Variants in MGAT4A observed in about 807,000 individuals in gnomAD.
MGAT4A encodes alpha-1,3-mannosyl-glycoprotein 4-beta-N-acetylglucosaminyltransferase A.
Under a neutral mutation model 74.1 loss-of-function variants are expected in MGAT4A, and 33 were observed. The ratio of observed to expected loss-of-function variants is 0.45; its 90% confidence interval spans 0.34 to 0.60. The LOEUF (loss-of-function observed/expected upper bound fraction) is 0.60, where lower values mean the gene tolerates loss of function less well. Ranked by LOEUF, MGAT4A falls within the 20% of genes least tolerant of loss-of-function variation. The pLI, the probability that MGAT4A is intolerant of heterozygous loss-of-function variation, is 0.02. For missense variants in MGAT4A, 479 were observed against 628.3 expected (o/e 0.76, Z 2.54); for synonymous variants, 198 against 210.4 (o/e 0.94, Z 0.51).
At position 98,674,357 on chromosome 2, in the gene MGAT4A, G is replaced by A; in HGVS notation, c.403+678C>T. Among the ~76,000 whole-genome samples the A allele has an allele frequency of 1.3e-5, 2 of 152,200 alleles. 1 individual carries two copies. Among genetic ancestry groups the A allele is most frequent in the Admixed American group, 1.3e-4 (2 of 15,270 alleles). On this transcript the variant is annotated intron_variant, in intron 4 of 15. Coordinates refer to ENST00000393487, the MANE Select transcript of MGAT4A (RefSeq NM_012214.3). ...AGAAAAGATTAACAAAGTCAAAACA[G>A]CGGAATCAAATGTATGAGTGGTAAA... is the stretch of plus-strand genomic sequence containing the variant.
intron 4 of MGAT4A, among the ~76,000 whole-genome samples, chr2:98,667,594 A>G (rs1490311828): frequency 2.0e-5 from 3 of 152,214 alleles, no homozygotes; most frequent in Non-Finnish European, 4.4e-5. Flanking sequence ...GATTTGTGGA[A>G]CTTTGAACTT....
At chr2:98,668,784 T>C (rs1210383170) in intron 4 of MGAT4A, among the ~76,000 whole-genome samples, 4 of 152,232 alleles carry the variant, frequency 2.6e-5, no homozygotes, top group Non-Finnish European at 4.4e-5. Context: ...CCCAAGACCA[T>C]GGGAACCCAC....
At chr2:98,663,565 T>A in intron 4 of MGAT4A, 2 of 945,378 alleles carry the variant, frequency 2.1e-6, no homozygotes, top group Non-Finnish European at 2.9e-6. Flanking sequence ...CAACATCAGT[T>A]CTGTGGTTGT....
intron 2 of MGAT4A, among the ~76,000 whole-genome samples, chr2:98,688,244 T>TA (rs757933204): frequency 1.3e-5 from 2 of 151,950 alleles, no homozygotes; most frequent in Non-Finnish European, 2.9e-5. Flanking sequence ...GGGCTTTTTT[T>TA]AAAACAAAAA....
At chr2:98,683,036 C>T (rs1426860386) in intron 2 of MGAT4A, among the ~76,000 whole-genome samples, 3 of 151,290 alleles carry the variant, frequency 2.0e-5, no homozygotes, top group Non-Finnish European at 4.4e-5. Flanking sequence ...TGCAGTGAGC[C>T]GAGATCGCGC....
At chr2:98,725,546 T>C (rs1702749415) in intron 2 of MGAT4A, among the ~76,000 whole-genome samples, 1 of 151,784 alleles carries the variant, frequency 6.6e-6, no homozygotes. Context: ...ATCATCAACA[T>C]TCCTTAGATT....
At chr2:98,694,052 TAGCCCCAGCTCCAGCCTGGCCCC>T (rs1702232372) in intron 2 of MGAT4A, 1 of 153,602 alleles carries the variant, frequency 6.5e-6, no homozygotes. Flanking sequence ...TCCTCCACCC[TAGCCCCAGCTCCAGCCTGGCCCC>T]AGCCCCAGCC....
At chr2:98,641,499 C>CAAAAAAAAAA (rs1205460540) in intron 10 of MGAT4A, among the ~76,000 whole-genome samples, 190 of 73,864 alleles carry the variant, frequency 2.6e-3, no homozygotes, top group Middle Eastern at 0.011. Context: ...ACTAAAAATA[C>CAAAAAAAAAA]AAAAAAAAAA....
At position 98,626,395 on chromosome 2, in the gene MGAT4A, A is replaced by G. The variant is rs149543224; in HGVS notation, c.1469-560T>C. Among the ~76,000 whole-genome samples the G allele has an allele frequency of 9.8e-5, 15 of 152,340 alleles. 1 individual carries two copies. In the East Asian group the frequency reaches 2.9e-3, roughly 29 times the overall value. ...ATGACAAGCTAAAACAGGCTCTCCT[A>G]TAAAAATAAGGACCAAGAACCATAA... On this transcript the variant is annotated intron_variant, in intron 14 of 15. Coordinates refer to ENST00000393487, the MANE Select transcript of MGAT4A (RefSeq NM_012214.3).
At chr2:98,680,208 T>A (rs981407249) in intron 2 of MGAT4A, among the ~76,000 whole-genome samples, 72 of 152,044 alleles carry the variant, frequency 4.7e-4, no homozygotes, top group African/African-American at 1.7e-3. Context: ...CACACCCAGA[T>A]ACTTTTCGTA....
chr2:98,651,187 G>A (rs763636748), intron 8 of MGAT4A, among the ~76,000 whole-genome samples: 18 of 152,144 alleles, frequency 1.2e-4, no homozygotes, highest in Non-Finnish European at 2.4e-4. Flanking sequence ...TGAAGTGAAA[G>A]GTCAATAAGC....
intron 2 of MGAT4A, among the ~76,000 whole-genome samples, chr2:98,689,814 C>A (rs955611792): frequency 6.6e-6 from 1 of 151,998 alleles, no homozygotes; most frequent in African/African-American, 2.4e-5. Context: ...CACAGTGAGA[C>A]CCTGTCTCAA....
At chr2:98,641,593 G>A (rs1458403561) in intron 10 of MGAT4A, among the ~76,000 whole-genome samples, 6 of 151,222 alleles carry the variant, frequency 4.0e-5, no homozygotes, top group African/African-American at 1.2e-4. Context: ...GGAGAATGGC[G>A]TGAACACGGG....
intron 14 of MGAT4A, among the ~76,000 whole-genome samples, chr2:98,629,694 C>A (rs1024776399): frequency 6.6e-6 from 1 of 152,146 alleles, no homozygotes; most frequent in Non-Finnish European, 1.5e-5. Flanking sequence ...AAATAAATTA[C>A]AATATGCTGA....
chr2:98,647,569 T>G (rs1701510745), intron 8 of MGAT4A, among the ~76,000 whole-genome samples: 1 of 152,234 alleles, frequency 6.6e-6, no homozygotes. Flanking sequence ...TCCACCCGCC[T>G]CGGCCTCTCA....
intron 14 of MGAT4A, among the ~76,000 whole-genome samples, chr2:98,632,361 G>A (rs1430391070): frequency 6.6e-6 from 1 of 152,120 alleles, no homozygotes; most frequent in Admixed American, 6.5e-5. Flanking sequence ...CCCATCACAC[G>A]CCCTGAAAGG....
chr2:98,675,195 T>G lies in MGAT4A; in HGVS notation c.263-20A>C. 1 of 1,536,582 alleles carries G rather than the reference T, an allele frequency of 6.5e-7. No homozygotes were observed. Among genetic ancestry groups the G allele is most frequent in the South Asian group, 1.2e-5 (1 of 83,842 alleles). On this transcript the variant is annotated intron_variant, in intron 3 of 15. Coordinates refer to ENST00000393487, the MANE Select transcript of MGAT4A (RefSeq NM_012214.3). ...TATTATCTGAAACACAGAAGTATAA[T>G]TAATATACAAGAATTACCTTACAGA...
At chr2:98,636,742 A>G (rs1439151701) in intron 12 of MGAT4A, 147 bp from the exon 13 acceptor site, 1 of 660,678 alleles carries the variant, frequency 1.5e-6, no homozygotes, top group Middle Eastern at 3.9e-4. Context: ...ATAACTGCAC[A>G]GTATGTGTTC....
At chr2:98,718,875 C>G (rs887362825) in intron 2 of MGAT4A, among the ~76,000 whole-genome samples, 8 of 152,208 alleles carry the variant, frequency 5.3e-5, no homozygotes, top group African/African-American at 1.4e-4. Context: ...CCACAAGAAC[C>G]TCAACCTCTT....
Sources: gnomAD v4.1 joint callset for allele counts (sites outside exome capture counted in the v4.1 genomes callset) on GRCh38, gnomAD v4.1.1 for gene constraint, MANE v1.5 for transcripts, NCBI Gene and HGNC (gene_info 2026-07-23, HGNC 2026-07-21) for gene names.